MAPK8: variants seen among roughly 807,000 people sequenced by gnomAD.
The protein encoded by MAPK8 is JUN N-terminal kinase.
In MAPK8, 13 loss-of-function variants were observed where a neutral mutation model predicts 52.9. The observed-to-expected ratio is 0.25, with a 90% CI of 0.16 to 0.39. The LOEUF is 0.39. Ranked by LOEUF, MAPK8 falls within the 10% of genes least tolerant of loss-of-function variation. The probability of loss-of-function intolerance (pLI) is 1.00; values close to 1 mark genes in which losing one functional copy is unlikely to be tolerated. For missense variants in MAPK8, 300 were observed against 519.2 expected (o/e 0.58, Z 4.10); for synonymous variants, 191 against 169.8 (o/e 1.12, Z -0.97).
intron 10 of MAPK8, among the ~76,000 whole-genome samples, chr10:48,428,664 T>A (rs1257860943): frequency 6.6e-6 from 1 of 152,242 alleles, no homozygotes; most frequent in African/African-American, 2.4e-5. Flanking sequence ...TAGAGTCTGC[T>A]GCATTTGAAT....
At chr10:48,348,897 C>T (rs563667074) in intron 1 of MAPK8, among the ~76,000 whole-genome samples, 2 of 149,510 alleles carry the variant, frequency 1.3e-5, no homozygotes, top group African/African-American at 4.9e-5. Flanking sequence ...TGCAAAGACA[C>T]TCATAGGCTC....
intron 1 of MAPK8, among the ~76,000 whole-genome samples, chr10:48,392,921 C>T (rs2041703011): frequency 6.6e-6 from 1 of 152,106 alleles, no homozygotes. Flanking sequence ...GCTGCGTTCG[C>T]TCTACTCAAA....
At chr10:48,309,373 T>C (rs1841744016) in intron 1 of MAPK8, among the ~76,000 whole-genome samples, 3 of 152,298 alleles carry the variant, frequency 2.0e-5, no homozygotes, top group African/African-American at 7.2e-5. Context: ...AAGTAAGAGA[T>C]ATAGCATCGA....
intron 1 of MAPK8, among the ~76,000 whole-genome samples, chr10:48,380,821 A>G (rs1242335401): frequency 6.6e-6 from 1 of 152,244 alleles, no homozygotes; most frequent in East Asian, 1.9e-4. Flanking sequence ...ATCACAGGTC[A>G]TTGTAAAACA....
intron 1 of MAPK8, among the ~76,000 whole-genome samples, chr10:48,388,978 G>T (rs1371985396): frequency 6.6e-6 from 1 of 152,060 alleles, no homozygotes; most frequent in Non-Finnish European, 1.5e-5. Flanking sequence ...TAGTTTTTTG[G>T]GGGGAAAGGA....
rs536508419 is a variant in MAPK8 at position 48,404,837 on chromosome 10, A to C, written c.123-15A>C. ...CTTGAAGTTTTTTTGTGTGTTTTTGAATTTCTTATTACAGCGCAGCTTATG... is the reference window on the plus strand; with the variant it reads ...CTTGAAGTTTTTTTGTGTGTTTTTGCATTTCTTATTACAGCGCAGCTTATG... On this transcript the variant is annotated splice_polypyrimidine_tract_variant and intron_variant, in intron 2 of 11. Transcript: ENST00000374189. 6.3e-7 allele frequency: 1 copy of C among 1,579,522 alleles called. No individual in the cohort carries two copies. Among genetic ancestry groups the C allele is most frequent in the Non-Finnish European group, 8.6e-7 (1 of 1,165,162 alleles).
intron 1 of MAPK8, among the ~76,000 whole-genome samples, chr10:48,373,368 T>A (rs2132648653): frequency 6.6e-6 from 1 of 151,680 alleles, no homozygotes; most frequent in Non-Finnish European, 1.5e-5. Flanking sequence ...AATGACAGGA[T>A]CAATTTCACA....
intron 1 of MAPK8, among the ~76,000 whole-genome samples, chr10:48,335,132 T>C (rs1447564898): frequency 6.6e-6 from 1 of 152,212 alleles, no homozygotes; most frequent in East Asian, 1.9e-4. Flanking sequence ...TGCCAGTACT[T>C]AGATTTAGCA....
rs368945207 is a variant in MAPK8 at position 48,331,390 on chromosome 10, C to A, written c.-50+24569C>A. Among the ~76,000 whole-genome samples the A allele has an allele frequency of 5.3e-5, 8 of 152,306 alleles. No homozygotes were observed. In the East Asian group the frequency reaches 1.5e-3, roughly 29 times the overall value. On this transcript the variant is annotated intron_variant, in intron 1 of 11. Coordinates refer to ENST00000374189, the MANE Select transcript of MAPK8 (RefSeq NM_001323329.2). Reference sequence around the variant, plus strand: ...TTTTTGTATAGTAGCCCATCCCAGCCATATTAACTTCGAGAAATGGGGCCA... The same window carrying A: ...TTTTTGTATAGTAGCCCATCCCAGCAATATTAACTTCGAGAAATGGGGCCA...
chr10:48,438,824 C>T lies in MAPK8; in HGVS notation c.*3795C>T, dbSNP rs2377350. 1.3e-5 allele frequency: 2 copies of T among 152,286 alleles called. No homozygotes were observed. The highest frequency in any genetic ancestry group is 6.5e-5 in the Admixed American group (1 of 15,300). 9.4% of individuals were successfully genotyped at this position (152,286 alleles called of 1,614,324 possible). A position where few individuals can be genotyped will look rare whatever the true frequency, so the allele number is the denominator to read the frequency against. On this transcript the variant is annotated 3_prime_UTR_variant, in exon 12 of 12. Coordinates refer to ENST00000374189, the MANE Select transcript of MAPK8 (RefSeq NM_001323329.2). ...ACTGTATGTCTTGCAAAATTGTGCTCGTTGACATTATTACTGTTTTTGTAA... is the reference window on the plus strand; with the variant it reads ...ACTGTATGTCTTGCAAAATTGTGCTTGTTGACATTATTACTGTTTTTGTAA...
At chr10:48,364,446 A>G (rs1847847061) in intron 1 of MAPK8, among the ~76,000 whole-genome samples, 1 of 152,116 alleles carries the variant, frequency 6.6e-6, no homozygotes, top group South Asian at 2.1e-4. Flanking sequence ...TTTAAAAAAA[A>G]AAACTGAATT....
intron 1 of MAPK8, among the ~76,000 whole-genome samples, chr10:48,343,629 A>G (rs1371338274): frequency 1.3e-5 from 2 of 152,226 alleles, no homozygotes; most frequent in Non-Finnish European, 2.9e-5. Flanking sequence ...AAGTCCAATC[A>G]GTAGCCTCAG....
At chr10:48,357,893 A>G (rs1281329660) in intron 1 of MAPK8, among the ~76,000 whole-genome samples, 1 of 152,138 alleles carries the variant, frequency 6.6e-6, no homozygotes, top group Non-Finnish European at 1.5e-5. Context: ...GGTAAGCACT[A>G]ATCTGCTTTT....
intron 1 of MAPK8, among the ~76,000 whole-genome samples, chr10:48,396,058 A>G (rs761989462): frequency 3.9e-5 from 6 of 152,056 alleles, no homozygotes; most frequent in African/African-American, 7.2e-5. Context: ...CCAGGTGAAC[A>G]TTTCTTGTAC....
At position 48,392,828 on chromosome 10, in the gene MAPK8, T is replaced by C. The variant is rs1663861050; in HGVS notation, c.-49-8784T>C. Reference sequence around the variant, plus strand: ...TCTATTTCATCTTTGGTCTTCTTTGTTAAACTTCTCTAAAGAAGTAGCTAT... The same window carrying C: ...TCTATTTCATCTTTGGTCTTCTTTGCTAAACTTCTCTAAAGAAGTAGCTAT... On this transcript the variant is annotated intron_variant, in intron 1 of 11. Transcript: ENST00000374189. Among the ~76,000 whole-genome samples, 4 of 152,174 alleles carry C rather than the reference T, an allele frequency of 2.6e-5. No homozygotes were observed. The South Asian group carries it at 8.3e-4, about 31-fold the overall frequency.
intron 1 of MAPK8, 61 bp from the exon 2 acceptor site, chr10:48,401,551 T>C: frequency 1.7e-6 from 2 of 1,166,190 alleles, no homozygotes; most frequent in Non-Finnish European, 2.5e-6. Context: ...CAGTAAGGAC[T>C]CAAATTTTAA....
chr10:48,399,126 G>GGCATA (rs1337190663), intron 1 of MAPK8, among the ~76,000 whole-genome samples: 1 of 152,166 alleles, frequency 6.6e-6, no homozygotes, highest in African/African-American at 2.4e-5. Flanking sequence ...AGCCCAGACT[G>GGCATA]GCATAGGCTT....
chr10:48,430,399 T>C (rs2044111272), intron 10 of MAPK8: 1 of 152,276 alleles, frequency 6.6e-6, no homozygotes, highest in Non-Finnish European at 1.5e-5. Flanking sequence ...TGGCCGAAGG[T>C]TCTTCTTAAG....
At chr10:48,350,549 C>T (rs1215551947) in intron 1 of MAPK8, among the ~76,000 whole-genome samples, 1 of 152,154 alleles carries the variant, frequency 6.6e-6, no homozygotes, top group Non-Finnish European at 1.5e-5. Context: ...GCAGAAAAGG[C>T]CTTTGACAAA....
Sources: gnomAD v4.1 joint callset for allele counts (sites outside exome capture counted in the v4.1 genomes callset) on GRCh38, gnomAD v4.1.1 for gene constraint, MANE v1.5 for transcripts, NCBI Gene and HGNC (gene_info 2026-07-23, HGNC 2026-07-21) for gene names.